Variants in TMEM163 observed in about 807,000 individuals in gnomAD.
The protein encoded by TMEM163 is transmembrane protein 163.
A neutral mutation model predicts 29.3 loss-of-function variants in TMEM163; 17 were observed. That is an observed-to-expected ratio of 0.58 (90% confidence interval 0.40 to 0.87). TMEM163 has a LOEUF of 0.87. TMEM163 is among the 40% of genes least tolerant of loss of function. The pLI is 0.00. For synonymous variants in TMEM163, 157 were observed against 160.6 expected, an observed-to-expected ratio of 0.98 and a Z score of 0.17; for missense variants, 303 against 381.5, an observed-to-expected ratio of 0.79 and a Z score of 1.71.
intron 2 of TMEM163, among the ~76,000 whole-genome samples, chr2:134,634,061 A>G (rs1683049637): frequency 6.8e-6 from 1 of 146,888 alleles, no homozygotes; most frequent in Non-Finnish European, 1.5e-5. Flanking sequence ...AGGAAAGATG[A>G]GAAAATGAAG....
rs183751568 is a variant in TMEM163, at chr2:134,705,932, C to T, written c.322+7268G>A. ...ATGAGCCCACCTGGGGCTCGCCGCC[C>T]AGCTACCCTGTGTCACCGCCACGGC... On this transcript the variant is annotated intron_variant, in intron 2 of 7. Transcript: ENST00000281924. Among the ~76,000 whole-genome samples the T allele has an allele frequency of 7.2e-4, 110 of 152,348 alleles. 1 individual carries two copies. In the East Asian group the frequency reaches 0.018, roughly 25 times the overall value.
intron 2 of TMEM163, among the ~76,000 whole-genome samples, chr2:134,586,069 C>A (rs1271933699): frequency 6.6e-6 from 1 of 152,174 alleles, no homozygotes; most frequent in Non-Finnish European, 1.5e-5. Context: ...AAGTTTGGGT[C>A]ATCAATTCTA....
intron 2 of TMEM163, among the ~76,000 whole-genome samples, chr2:134,706,999 C>T (rs1238870976): frequency 6.6e-6 from 1 of 152,196 alleles, no homozygotes; most frequent in Non-Finnish European, 1.5e-5. Flanking sequence ...CTGTTCCTCC[C>T]TCCTGGTCCC....
chr2:134,500,856 T>C (rs1048490244), intron 5 of TMEM163, among the ~76,000 whole-genome samples: 1 of 152,066 alleles, frequency 6.6e-6, no homozygotes, highest in Non-Finnish European at 1.5e-5. Context: ...TGTTAAAGGA[T>C]ACAAAATTAC....
rs928489936 is a variant in TMEM163 at position 134,456,132 on chromosome 2, G to A, written c.*584C>T. The stretch of plus-strand genomic sequence containing the variant: ...ATTCGTCCATGCAAAGCTTATACGT[G>A]TATCACTAAGTACTTTAAAAAATAG... On this transcript the variant is annotated 3_prime_UTR_variant, in exon 8 of 8. Coordinates refer to ENST00000281924, the MANE Select transcript of TMEM163 (RefSeq NM_030923.5). The A allele has an allele frequency of 6.5e-6, 1 of 152,960 alleles. No homozygotes were observed. The allele number at this position is 152,960 out of a possible 1,614,324, so 9.5% of individuals were successfully genotyped here.
intron 5 of TMEM163, among the ~76,000 whole-genome samples, chr2:134,477,562 C>T (rs1226971523): frequency 6.6e-6 from 1 of 152,198 alleles, no homozygotes; most frequent in Admixed American, 6.5e-5. Context: ...TCAATAAAGA[C>T]TCACTGAGCA....
intron 2 of TMEM163, among the ~76,000 whole-genome samples, chr2:134,572,923 A>T (rs1254224293): frequency 6.6e-6 from 1 of 152,198 alleles, no homozygotes; most frequent in African/African-American, 2.4e-5. Flanking sequence ...TCCTCTTTTA[A>T]ATATATGCAG....
chr2:134,556,085 G>C lies in TMEM163; in HGVS notation c.323-3994C>G, dbSNP rs75113435. Among the ~76,000 whole-genome samples, 155 of 152,330 alleles carry C rather than the reference G, an allele frequency of 1.0e-3. 2 individuals carry two copies. The East Asian group carries it at 0.028, about 27-fold the overall frequency. ...AGGAGGCTGAATACAGGAGCTACAG[G>C]TAGTGATTTGAACATAAGTGGGAGG... On this transcript the variant is annotated intron_variant, in intron 2 of 7. Transcript: ENST00000281924.
In TMEM163 at chr2:134,650,573, T is replaced by C. The variant is rs988109413; in HGVS notation, c.322+62627A>G. Among the ~76,000 whole-genome samples, 65 of 143,750 alleles carry C rather than the reference T, an allele frequency of 4.5e-4. 3 individuals carry two copies. The highest frequency in any genetic ancestry group is 1.5e-5 in the Non-Finnish European group (1 of 67,202). The allele number at this position is 143,750 out of a possible 152,430, so 94.3% of individuals were successfully genotyped here. ...TTTTATTATACTTTAAGTTTTAGGG[T>C]ACATGTGCACATTGTGCAGGTTAGT... is the stretch of plus-strand genomic sequence containing the variant. On this transcript the variant is annotated intron_variant, in intron 2 of 7. Transcript: ENST00000281924.
intron 4 of TMEM163, among the ~76,000 whole-genome samples, chr2:134,513,748 T>G (rs902464202): frequency 6.6e-6 from 1 of 152,164 alleles, no homozygotes; most frequent in African/African-American, 2.4e-5. Context: ...AGGGGAGGAC[T>G]GACAGTCACT....
intron 2 of TMEM163, among the ~76,000 whole-genome samples, chr2:134,555,563 C>T (rs970053565): frequency 2.6e-5 from 4 of 152,214 alleles, no homozygotes; most frequent in African/African-American, 4.8e-5. Context: ...CACAAAGAGA[C>T]GGGCGACCAG....
chr2:134,579,351 T>C (rs1681637791), intron 2 of TMEM163, among the ~76,000 whole-genome samples: 1 of 152,236 alleles, frequency 6.6e-6, no homozygotes, highest in African/African-American at 2.4e-5. Context: ...CACATCACCA[T>C]AATCTATCCA....
chr2:134,547,140 T>G (rs770410192), intron 4 of TMEM163, among the ~76,000 whole-genome samples: 1 of 152,198 alleles, frequency 6.6e-6, no homozygotes, highest in Non-Finnish European at 1.5e-5. Context: ...CGCTTAACAC[T>G]ACTGAACCGT....
intron 4 of TMEM163, among the ~76,000 whole-genome samples, chr2:134,547,495 T>C (rs1307194655): frequency 6.6e-6 from 1 of 152,212 alleles, no homozygotes; most frequent in East Asian, 1.9e-4. Flanking sequence ...TTTCCTCTAA[T>C]ATTACTCTCC....
At position 134,501,745 on chromosome 2, in the gene TMEM163, A is replaced by C. The variant is rs149377019; in HGVS notation, c.555+1156T>G. 2.9e-3 allele frequency among the ~76,000 whole-genome samples: 448 copies of C among 152,320 alleles called. 3 individuals carry two copies. Among genetic ancestry groups the C allele is most frequent in the African/African-American group, 0.01 (421 of 41,564 alleles). On this transcript the variant is annotated intron_variant, in intron 5 of 7. Coordinates refer to ENST00000281924, the MANE Select transcript of TMEM163 (RefSeq NM_030923.5). ...TTAAGTAGGAGATGAAGAGCACAGG[A>C]CTGTAATAAATGGTAATATTTGTTC...
intron 2 of TMEM163, among the ~76,000 whole-genome samples, chr2:134,561,139 A>T (rs1365306940): frequency 6.6e-6 from 1 of 152,266 alleles, no homozygotes; most frequent in East Asian, 1.9e-4. Context: ...TCAACTTGTT[A>T]GCACATTTGC....
At chr2:134,683,856 T>A (rs57081150) in intron 2 of TMEM163, among the ~76,000 whole-genome samples, 12,585 of 152,150 alleles carry the variant, frequency 0.083, 1,715 homozygotes, top group African/African-American at 0.29. Context: ...ACCAAGGTCA[T>A]CATTGGGGGA....
intron 5 of TMEM163, among the ~76,000 whole-genome samples, chr2:134,472,695 C>T (rs1686831779): frequency 1.3e-5 from 2 of 152,222 alleles, no homozygotes; most frequent in African/African-American, 4.8e-5. Context: ...ATAGAACAAA[C>T]TAACAGAAAG....
In TMEM163 at chr2:134,513,658, T is replaced by C. The variant is rs181148576; in HGVS notation, c.459-10661A>G. Among the ~76,000 whole-genome samples, 292 of 152,322 alleles carry C rather than the reference T, an allele frequency of 1.9e-3. 3 individuals are homozygous for C. Among genetic ancestry groups the C allele is most frequent in the Non-Finnish European group, 2.8e-3 (189 of 68,026 alleles). On this transcript the variant is annotated intron_variant, in intron 4 of 7. Coordinates refer to ENST00000281924, the MANE Select transcript of TMEM163 (RefSeq NM_030923.5). ...CTCAGGCACTGTCTGTGCTGCACAC[T>C]TGCAGGGCCTGACCTGCATTCATCC...
Sources: gnomAD v4.1 joint callset for allele counts (sites outside exome capture counted in the v4.1 genomes callset) on GRCh38, gnomAD v4.1.1 for gene constraint, MANE v1.5 for transcripts, NCBI Gene and HGNC (gene_info 2026-07-23, HGNC 2026-07-21) for gene names.